ADD3: variants seen among roughly 807,000 people sequenced by gnomAD.
The protein encoded by ADD3 is gamma-adducin.
A neutral mutation model predicts 80.2 loss-of-function variants in ADD3; 25 were observed. The observed-to-expected ratio is 0.31, with a 90% CI of 0.23 to 0.44. ADD3 has a LOEUF of 0.44. ADD3 is among the 20% of genes least tolerant of loss of function. The pLI, the probability that ADD3 is intolerant of heterozygous loss-of-function variation, is 1.00. For missense variants in ADD3, 829 were observed against 847.5 expected, an observed-to-expected ratio of 0.98 and a Z score of 0.27; for synonymous variants, 284 against 289.6, an observed-to-expected ratio of 0.98 and a Z score of 0.20.
intron 1 of ADD3, among the ~76,000 whole-genome samples, chr10:110,036,915 CT>C (rs1855732614): frequency 6.6e-6 from 1 of 152,102 alleles, no homozygotes; most frequent in African/African-American, 2.4e-5. Flanking sequence ...GCAGCCACTG[CT>C]TTAGCCACAA....
intron 2 of ADD3, 89 bp downstream of exon 2, chr10:110,100,937 T>G (rs1444078221): frequency 1.6e-6 from 2 of 1,230,270 alleles, no homozygotes; most frequent in African/African-American, 1.6e-5. Context: ...ACCCTCAGGT[T>G]AAAAGAGGGG....
Position 110,126,409 on chromosome 10 carries a change from C to T in ADD3, c.1522-8C>T, listed in dbSNP as rs1852164866. On this transcript the variant is annotated splice_region_variant and splice_polypyrimidine_tract_variant and intron_variant, in intron 11 of 14. Transcript: ENST00000356080. Reference sequence around the variant, plus strand: ...AAGAACTTTATATTGAATTGTTTTTCAATTCAGATTCGGGAACAAAATCGA... The same window carrying T: ...AAGAACTTTATATTGAATTGTTTTTTAATTCAGATTCGGGAACAAAATCGA... The T allele has an allele frequency of 6.2e-7, 1 of 1,610,100 alleles. No individual in the cohort carries two copies. The highest frequency in any genetic ancestry group is 1.3e-5 in the African/African-American group (1 of 74,814).
At chr10:110,055,608 A>G (rs927947043) in intron 1 of ADD3, among the ~76,000 whole-genome samples, 5 of 152,206 alleles carry the variant, frequency 3.3e-5, no homozygotes, top group South Asian at 2.1e-4. Flanking sequence ...GTGAGTAACT[A>G]TGGCAGCTCA....
At chr10:110,032,947 A>G (rs950290614) in intron 1 of ADD3, among the ~76,000 whole-genome samples, 3 of 152,358 alleles carry the variant, frequency 2.0e-5, no homozygotes, top group South Asian at 2.1e-4. Context: ...TAAATAGCCA[A>G]TTTAAATAGA....
chr10:110,029,098 C>T (rs925781107), intron 1 of ADD3, among the ~76,000 whole-genome samples: 2 of 152,202 alleles, frequency 1.3e-5, no homozygotes, highest in Non-Finnish European at 2.9e-5. Context: ...AGGCTAGTCT[C>T]GAACTCCCCA....
chr10:110,125,355 T>C (rs1852008935), intron 10 of ADD3, among the ~76,000 whole-genome samples: 1 of 152,210 alleles, frequency 6.6e-6, no homozygotes, highest in South Asian at 2.1e-4. Flanking sequence ...AAATGCCGAT[T>C]AGGGCTTGGC....
chr10:110,113,360 C>T (rs1850295397), intron 3 of ADD3, among the ~76,000 whole-genome samples: 1 of 152,158 alleles, frequency 6.6e-6, no homozygotes, highest in Non-Finnish European at 1.5e-5. Flanking sequence ...CTCCACCTCG[C>T]AGGTTCAAGC....
At chr10:110,016,154 A>G (rs1475720946) in intron 1 of ADD3, among the ~76,000 whole-genome samples, 1 of 152,156 alleles carries the variant, frequency 6.6e-6, no homozygotes, top group Admixed American at 6.5e-5. Context: ...AACAGGACAT[A>G]CTTCTTGGGG....
intron 1 of ADD3, among the ~76,000 whole-genome samples, chr10:110,055,670 C>G (rs2133442779): frequency 6.6e-6 from 1 of 152,266 alleles, no homozygotes; most frequent in Non-Finnish European, 1.5e-5. Context: ...CCTGTCCTAA[C>G]TCAGCAACTT....
In ADD3 at chr10:110,083,811, C is replaced by T. The variant is rs1323187509; in HGVS notation, c.-29-16814C>T. On this transcript the variant is annotated intron_variant, in intron 1 of 14. Transcript: ENST00000356080. ...GTGCTTCTTTGTTGCAACCAAGGAT[C>T]CCAGGGTTGTAGTACTCTTACTACC... 2.6e-5 allele frequency among the ~76,000 whole-genome samples: 4 copies of T among 152,130 alleles called. No individual in the cohort carries two copies. In the East Asian group the frequency reaches 7.7e-4, roughly 29 times the overall value.
intron 1 of ADD3, among the ~76,000 whole-genome samples, chr10:110,069,492 C>T (rs1844405273): frequency 6.6e-6 from 1 of 152,122 alleles, no homozygotes. Context: ...GCTTTCTGGG[C>T]CAGTGAACCT....
intron 1 of ADD3, among the ~76,000 whole-genome samples, chr10:110,061,303 C>T (rs1263435803): frequency 1.3e-5 from 2 of 152,180 alleles, no homozygotes; most frequent in Non-Finnish European, 2.9e-5. Context: ...GATTGACTTA[C>T]TGAATGACAG....
chr10:110,037,341 A>G (rs973372510), intron 1 of ADD3, among the ~76,000 whole-genome samples: 45 of 152,328 alleles, frequency 3.0e-4, no homozygotes, highest in African/African-American at 1.0e-3. Flanking sequence ...AGGTGACTCA[A>G]CGCCTATAAT....
intron 1 of ADD3, among the ~76,000 whole-genome samples, chr10:110,029,787 A>G (rs1417635377): frequency 2.0e-5 from 3 of 152,222 alleles, no homozygotes; most frequent in Non-Finnish European, 2.9e-5. Context: ...AAAGTTGCTT[A>G]CGGTTTAGTT....
chr10:110,004,091 T>C (rs1449438933), upstream of ADD3, among the ~76,000 whole-genome samples: 1 of 152,054 alleles, frequency 6.6e-6, no homozygotes, highest in East Asian at 1.9e-4. Flanking sequence ...CTTTGAATTA[T>C]ACAAATAATC....
chr10:110,102,555 C>G (rs1011014090), intron 2 of ADD3, among the ~76,000 whole-genome samples: 1 of 152,048 alleles, frequency 6.6e-6, no homozygotes, highest in Non-Finnish European at 1.5e-5. Context: ...TACAGTGAGC[C>G]GTGATCACAC....
At chr10:110,119,828 A>G (rs1851234302) in intron 8 of ADD3, 2 of 329,860 alleles carry the variant, frequency 6.1e-6, no homozygotes, top group South Asian at 4.2e-5. Context: ...AGTTAGTACA[A>G]TTGCATATTT....
At chr10:110,061,695 T>C (rs1858910442) in intron 1 of ADD3, among the ~76,000 whole-genome samples, 1 of 152,198 alleles carries the variant, frequency 6.6e-6, no homozygotes, top group Non-Finnish European at 1.5e-5. Context: ...CTGGGTACCA[T>C]AATCATCCTT....
At chr10:110,098,874 C>T (rs1250579037) in intron 1 of ADD3, among the ~76,000 whole-genome samples, 1 of 151,894 alleles carries the variant, frequency 6.6e-6, no homozygotes, top group Non-Finnish European at 1.5e-5. Flanking sequence ...CGTGATCTGC[C>T]CCCTTGGCCT....
Sources: allele counts gnomAD v4.1 joint callset (sites outside exome capture counted in the v4.1 genomes callset), GRCh38; gene constraint gnomAD v4.1.1; transcripts MANE v1.5; gene names NCBI Gene and HGNC (gene_info 2026-07-23, HGNC 2026-07-21).